The following POLR1A variants were observed in gnomAD, a reference collection of about 807,000 sequenced individuals.
POLR1A encodes RNA polymerase I subunit A.
POLR1A carries 84 observed loss-of-function variants against 205.3 expected under a neutral mutation model. The ratio of observed to expected loss-of-function variants is 0.41; its 90% confidence interval spans 0.34 to 0.49. The LOEUF is 0.49. POLR1A is among the 20% of genes least tolerant of loss of function. The pLI is 0.22. For missense variants in POLR1A, 1,645 were observed against 2,204.5 expected (o/e 0.75, Z 5.08); for synonymous variants, 799 against 863.7 (o/e 0.93, Z 1.31).
At chr2:86,044,814 G>A (rs1013090357) in intron 21 of POLR1A, among the ~76,000 whole-genome samples, 6 of 152,122 alleles carry the variant, frequency 3.9e-5, no homozygotes, top group Non-Finnish European at 7.4e-5. Context: ...AACTTCTTCT[G>A]CTCTCTGCCC....
intron 14 of POLR1A, among the ~76,000 whole-genome samples, chr2:86,060,354 T>G (rs77550688): frequency 6.6e-6 from 1 of 151,684 alleles, no homozygotes; most frequent in African/African-American, 2.4e-5. Context: ...CCCAAAATAG[T>G]TGACAGTCTT....
chr2:86,022,462 A>C lies in POLR1A; in HGVS notation c.*4961T>G, dbSNP rs928640251. ...CGATAGGTGGTGACGGTGGCTGTGC[A>C]TTTCCACAATTTAGGGCTTTTTCTG... On this transcript the variant is annotated 3_prime_UTR_variant, in exon 34 of 34. Transcript: ENST00000263857. The C allele has an allele frequency of 2.0e-5, 3 of 152,200 alleles. No homozygotes were observed. The highest frequency in any genetic ancestry group is 7.2e-5 in the African/African-American group (3 of 41,424). 9.4% of individuals were successfully genotyped at this position (152,200 alleles called of 1,614,324 possible). A position where few individuals can be genotyped will look rare whatever the true frequency, so the allele number is the denominator to read the frequency against.
chr2:86,050,256 C>CA lies in POLR1A; in HGVS notation c.2393-1015dup, dbSNP rs536830530. Among the ~76,000 whole-genome samples the CA allele has an allele frequency of 2.3e-3, 350 of 152,286 alleles. 1 individual carries two copies. The highest frequency in any genetic ancestry group is 7.7e-3 in the African/African-American group (319 of 41,566). ...CTGCAACTGTAAGTGCTACTGGACT[C>CA]AAGAGTCCCTCAGCCAAGATCTGAG... On this transcript the variant is annotated intron_variant, in intron 16 of 33. Transcript: ENST00000263857.
intron 6 of POLR1A, among the ~76,000 whole-genome samples, chr2:86,084,854 AGAG>A (rs1673474040): frequency 6.6e-6 from 1 of 152,192 alleles, no homozygotes; most frequent in South Asian, 2.1e-4. Flanking sequence ...TAAAATCTGC[AGAG>A]GATATGTCAT....
At chr2:86,071,809 A>G (rs1673184595) in intron 12 of POLR1A, among the ~76,000 whole-genome samples, 1 of 152,208 alleles carries the variant, frequency 6.6e-6, no homozygotes, top group Non-Finnish European at 1.5e-5. Context: ...AACACTGAAC[A>G]TAAAGTGACA....
At chr2:86,085,509 C>T (rs560416396) in intron 6 of POLR1A, among the ~76,000 whole-genome samples, 1 of 152,306 alleles carries the variant, frequency 6.6e-6, no homozygotes, top group East Asian at 1.9e-4. Flanking sequence ...AAACAGACCC[C>T]ATTAACCTGC....
rs200010177 is a variant in POLR1A at position 86,033,699 on chromosome 2, G to A, written c.4123C>T (p.Arg1375Trp). The A allele has an allele frequency of 8.7e-6, 14 of 1,613,968 alleles. No homozygotes were observed. The highest frequency in any genetic ancestry group is 5.3e-5 in the African/African-American group (4 of 75,040). Residue 1375 changes from arginine (R) to tryptophan (W), a missense_variant, in exon 28 of 34, where the codon CGG becomes TGG. Physicochemically the swap from Arg to Trp is moderately radical, Grantham distance 101 (BLOSUM62 -3). Transcript: ENST00000263857. ...AACTCCCCAGCGTTGTCCAGATCCCGCTGTGTAGCTCTTCGAGTGTTTACG... is the reference window on the plus strand; with the variant it reads ...AACTCCCCAGCGTTGTCCAGATCCCACTGTGTAGCTCTTCGAGTGTTTACG... Reference protein sequence around the residue: ...RNVNTRRATQRDLDNAGELGR... With the variant: ...RNVNTRRATQWDLDNAGELGR...
chr2:86,075,442 G>A (rs1390977358), intron 11 of POLR1A, among the ~76,000 whole-genome samples, 182 bp from the exon 12 acceptor site: 1 of 152,164 alleles, frequency 6.6e-6, no homozygotes, highest in Non-Finnish European at 1.5e-5. Flanking sequence ...TCCCTTAATG[G>A]TATAGAGACT....
chr2:86,077,829 A>T (rs760654817), intron 11 of POLR1A, 30 bp downstream of exon 11: 9 of 1,375,252 alleles, frequency 6.5e-6, no homozygotes, highest in Non-Finnish European at 8.7e-6. Context: ...ACACACACAC[A>T]CACACACACA....
Position 86,046,190 on chromosome 2 carries a change from G to A in POLR1A, c.2734-421C>T, listed in dbSNP as rs1189221817. Among the ~76,000 whole-genome samples the A allele has an allele frequency of 5.3e-5, 8 of 152,100 alleles. No individual in the cohort carries two copies. In the East Asian group the frequency reaches 1.2e-3, roughly 22 times the overall value. ...CACATCTACAATCTTAGCACTTTGC[G>A]GGGCTGAGGCAGGAGGATCCCTTGA... On this transcript the variant is annotated intron_variant, in intron 19 of 33. Transcript: ENST00000263857.
rs773929893 is a variant in POLR1A, at chr2:86,077,910, T to G, written c.1329A>C (p.Ser443=). The part of the protein sequence containing the change: ...MGKRVDYAAR[S]VICPDMYINT... Reference sequence around the variant, plus strand: ...TGATGTACATGTCTGGGCAGATGACTGAGCGCGCAGCGTAGTCCACTCGCT... The same window carrying G: ...TGATGTACATGTCTGGGCAGATGACGGAGCGCGCAGCGTAGTCCACTCGCT... Residue 443 remains serine (S), a synonymous_variant, in exon 11 of 34, where the codon TCA becomes TCC. Transcript: ENST00000263857. The G allele has an allele frequency of 6.2e-7, 1 of 1,613,832 alleles. No homozygotes were observed. Among genetic ancestry groups the G allele is most frequent in the Admixed American group, 1.7e-5 (1 of 60,004 alleles).
intron 13 of POLR1A, among the ~76,000 whole-genome samples, chr2:86,069,497 A>G (rs1673137555): frequency 6.6e-6 from 1 of 152,214 alleles, no homozygotes; most frequent in African/African-American, 2.4e-5. Context: ...TGTGACCACA[A>G]GGGGTTGCCC....
rs1672725620 is a variant in POLR1A at position 86,047,234 on chromosome 2, C to G, written c.2664G>C (p.Gln888His). The stretch of plus-strand genomic sequence containing the variant: ...TCATCTGCAGGCTGTTCTCTGGGAA[C>G]TGTCTGTGTAGGCCAAAAGGCATGC... ...KACMPFGLHRQFPENSLQMMV... is the reference protein window; with the variant it reads ...KACMPFGLHRHFPENSLQMMV... The change falls in exon 19 of 34, where the codon CAG (glutamine) becomes CAC (histidine). Residue 888 changes from glutamine to histidine, a missense_variant. Transcript: ENST00000263857. The G allele has an allele frequency of 6.2e-7, 1 of 1,613,990 alleles. No homozygotes were observed. The highest frequency in any genetic ancestry group is 8.5e-7 in the Non-Finnish European group (1 of 1,179,962).
rs931450223 is a variant in POLR1A at position 86,023,171 on chromosome 2, T to C, written c.*4252A>G. 1 of 152,218 alleles carries C rather than the reference T, an allele frequency of 6.6e-6. No individual in the cohort carries two copies. Among genetic ancestry groups the C allele is most frequent in the Non-Finnish European group, 1.5e-5 (1 of 68,052 alleles). 9.4% of individuals were successfully genotyped at this position (152,218 alleles called of 1,614,324 possible). On this transcript the variant is annotated 3_prime_UTR_variant, in exon 34 of 34. Coordinates refer to ENST00000263857, the MANE Select transcript of POLR1A (RefSeq NM_015425.6). ...GAACTTTGGAATTTTTGACTGTAGC[T>C]ATTTTGGTGGTTGTAATTGAAGTAA...
chr2:86,031,786 T>A, intron 29 of POLR1A, 151 bp from the exon 30 acceptor site: 1 of 1,061,900 alleles, frequency 9.4e-7, no homozygotes. Flanking sequence ...TGCTCCGGCC[T>A]GGTTGGTCTT....
At chr2:86,086,222 C>T (rs1284413596) in intron 6 of POLR1A, among the ~76,000 whole-genome samples, 1 of 152,014 alleles carries the variant, frequency 6.6e-6, no homozygotes, top group African/African-American at 2.4e-5. Flanking sequence ...CCACACCCGG[C>T]TAATTTTTTT....
At chr2:86,104,325 A>T (rs1204726455) in intron 1 of POLR1A, among the ~76,000 whole-genome samples, 1 of 152,198 alleles carries the variant, frequency 6.6e-6, no homozygotes, top group Non-Finnish European at 1.5e-5. Context: ...GAGCCCAATA[A>T]ATAAGTTATA....
rs1337195838 is a variant in POLR1A at position 86,040,558 on chromosome 2, A to T, written c.3574T>A (p.Leu1192Met). The T allele has an allele frequency of 5.1e-6, 8 of 1,558,570 alleles. No individual in the cohort carries two copies. The highest frequency in any genetic ancestry group is 7.0e-6 in the Non-Finnish European group (8 of 1,149,044). The change falls in exon 25 of 34, where the codon TTG becomes ATG. Residue 1192 changes from leucine (L) to methionine (M), a missense_variant and splice_region_variant. Leu to Met is a conservative substitution (Grantham distance 15). Transcript: ENST00000263857. ...CACTTCAGCTGCAGCAAGGTCCTCAACCTAGAGACGGTGGTGGGGGGTCAG... is the reference window on the plus strand; with the variant it reads ...CACTTCAGCTGCAGCAAGGTCCTCATCCTAGAGACGGTGGTGGGGGGTCAG... ...YEKSELSLDR[L>M]RTLLQLKWQR...
intron 28 of POLR1A, among the ~76,000 whole-genome samples, chr2:86,033,148 T>C (rs915667408): frequency 6.6e-6 from 1 of 152,186 alleles, no homozygotes; most frequent in Non-Finnish European, 1.5e-5. Context: ...CTGGCAGATA[T>C]CTGATTATTT....
Sources: gnomAD v4.1 joint callset for allele counts (sites outside exome capture counted in the v4.1 genomes callset) on GRCh38, gnomAD v4.1.1 for gene constraint, MANE v1.5 for transcripts, NCBI Gene and HGNC (gene_info 2026-07-23, HGNC 2026-07-21) for gene names.